Variants in FDX1 observed in about 807,000 individuals in gnomAD.
FDX1 encodes the protein adrenodoxin, mitochondrial.
A neutral mutation model predicts 14.9 loss-of-function variants in FDX1; 9 were observed. That is an observed-to-expected ratio of 0.60 (90% CI 0.36 to 1.05). The LOEUF is 1.05. FDX1 is among the 50% of genes least tolerant of loss of function. The probability of loss-of-function intolerance (pLI) is 0.01; values close to 1 mark genes in which losing one functional copy is unlikely to be tolerated. For synonymous variants in FDX1, 92 were observed against 99.4 expected (o/e 0.93, Z 0.44); for missense variants, 204 against 237.2 (o/e 0.86, Z 0.92).
At chr11:110,436,056 A>T in intron 2 of FDX1, 98 bp downstream of exon 2, 1 of 1,007,070 alleles carries the variant, frequency 9.9e-7, no homozygotes. Context: ...AACCTATAGC[A>T]TGCTATGTAA....
intron 2 of FDX1, among the ~76,000 whole-genome samples, chr11:110,438,742 C>T (rs576606394): frequency 1.0e-3 from 153 of 152,288 alleles, no homozygotes; most frequent in African/African-American, 3.3e-3. Context: ...GCTGGGATTA[C>T]AGGCGTGAGC....
At chr11:110,434,735 T>TG (rs1373976320) in intron 1 of FDX1, among the ~76,000 whole-genome samples, 7 of 138,834 alleles carry the variant, frequency 5.0e-5, no homozygotes, top group Non-Finnish European at 1.1e-4. Flanking sequence ...GTTTTTTTTT[T>TG]TTTTTTTTTT....
intron 2 of FDX1, among the ~76,000 whole-genome samples, chr11:110,452,564 A>G (rs985488835): frequency 1.3e-5 from 2 of 152,108 alleles, no homozygotes; most frequent in Non-Finnish European, 2.9e-5. Context: ...GGCACAAGAG[A>G]CTAATGGTGA....
chr11:110,435,771 C>A, intron 1 of FDX1, 63 bp from the exon 2 acceptor site: 2 of 1,355,590 alleles, frequency 1.5e-6, no homozygotes, highest in Non-Finnish European at 2.0e-6. Flanking sequence ...GGCTTTTAAA[C>A]CAATTATTTT....
chr11:110,460,774 T>G (rs1285248835), intron 3 of FDX1, among the ~76,000 whole-genome samples: 1 of 152,192 alleles, frequency 6.6e-6, no homozygotes, highest in Non-Finnish European at 1.5e-5. Context: ...AAACTACCAT[T>G]TGGTGAGGTT....
chr11:110,459,105 T>C (rs1035059040), intron 3 of FDX1, among the ~76,000 whole-genome samples: 7 of 152,184 alleles, frequency 4.6e-5, no homozygotes, highest in Non-Finnish European at 1.0e-4. Context: ...TAATAGTTGA[T>C]GGAAAGGGAG....
upstream of FDX1, chr11:110,429,835 T>G: frequency 3.6e-6 from 1 of 281,184 alleles, no homozygotes; most frequent in Non-Finnish European, 6.6e-6. Context: ...CCTGGAGGGT[T>G]GGTAAAGGCC....
intron 1 of FDX1, 126 bp downstream of exon 1, chr11:110,430,431 G>C (rs1018749260): frequency 1.4e-5 from 8 of 569,350 alleles, no homozygotes. Flanking sequence ...CCGGAGGCCT[G>C]CCTCTCGCCC....
At chr11:110,459,184 A>G (rs1946541629) in intron 3 of FDX1, among the ~76,000 whole-genome samples, 1 of 151,344 alleles carries the variant, frequency 6.6e-6, no homozygotes, top group Non-Finnish European at 1.5e-5. Flanking sequence ...TTGCATGGGT[A>G]ATCTACACAG....
At chr11:110,452,170 G>T (rs1438476338) in intron 2 of FDX1, among the ~76,000 whole-genome samples, 1 of 152,016 alleles carries the variant, frequency 6.6e-6, no homozygotes, top group East Asian at 1.9e-4. Context: ...GGGTAGGTAG[G>T]CAGAGAATTC....
At chr11:110,459,515 C>T (rs911536968) in intron 3 of FDX1, among the ~76,000 whole-genome samples, 3 of 152,182 alleles carry the variant, frequency 2.0e-5, no homozygotes, top group African/African-American at 2.4e-5. Context: ...GGGTAACACC[C>T]CTGATTTAAA....
At chr11:110,438,885 C>T (rs898860783) in intron 2 of FDX1, among the ~76,000 whole-genome samples, 1 of 151,896 alleles carries the variant, frequency 6.6e-6, no homozygotes, top group African/African-American at 2.4e-5. Flanking sequence ...TTCTCTCATT[C>T]TGTAGGGTGT....
Position 110,430,256 on chromosome 11 carries a change from A to C in FDX1, c.136A>C (p.Ser46Arg). 1 of 1,204,598 alleles carries C rather than the reference A, an allele frequency of 8.3e-7. No individual in the cohort carries two copies. 74.6% of individuals were successfully genotyped at this position (1,204,598 alleles called of 1,614,324 possible). Residue 46 changes from serine to arginine, a missense_variant, in exon 1 of 4, where the codon AGC becomes CGC. Ser to Arg is a moderately radical substitution (Grantham distance 110). Transcript: ENST00000260270. The stretch of plus-strand genomic sequence containing the variant: ...GCTGAGGAACCGGGGGCCGGGCGGG[A>C]GCGCGGAGGCGAGCCGGTCGCTGAG... ...GLLRNRGPGG[S>R]AEASRSLSVS... is the part of the protein sequence containing the mutation.
chr11:110,456,825 A>G (rs917501064), intron 2 of FDX1, 93 bp from the exon 3 acceptor site: 2 of 1,387,226 alleles, frequency 1.4e-6, no homozygotes, highest in Admixed American at 2.1e-5. Context: ...ATGTATTCTA[A>G]TGCTGATTCT....
chr11:110,461,585 A>G (rs1946557195), intron 3 of FDX1, among the ~76,000 whole-genome samples: 1 of 150,952 alleles, frequency 6.6e-6, no homozygotes, highest in Non-Finnish European at 1.5e-5. Flanking sequence ...AGTCATTCTT[A>G]AAATGACAAA....
At chr11:110,456,633 A>G (rs1312007704) in intron 2 of FDX1, among the ~76,000 whole-genome samples, 1 of 144,210 alleles carries the variant, frequency 6.9e-6, no homozygotes, top group Non-Finnish European at 1.5e-5. Context: ...CAGCTTCCCT[A>G]GTAGCTGGGA....
chr11:110,439,672 T>C (rs1302011176), intron 2 of FDX1, among the ~76,000 whole-genome samples: 1 of 152,238 alleles, frequency 6.6e-6, no homozygotes, highest in African/African-American at 2.4e-5. Context: ...GTGTCGAAGC[T>C]CTTTAATCAG....
At chr11:110,459,914 C>T (rs147212552) in intron 3 of FDX1, among the ~76,000 whole-genome samples, 49 of 152,320 alleles carry the variant, frequency 3.2e-4, no homozygotes, top group Non-Finnish European at 5.4e-4. Context: ...TCTGTGTTCC[C>T]ATAACAGATT....
chr11:110,444,949 G>A (rs1488701071), intron 2 of FDX1, among the ~76,000 whole-genome samples: 3 of 151,222 alleles, frequency 2.0e-5, no homozygotes, highest in Admixed American at 2.0e-4. Flanking sequence ...CCTGGGCTAA[G>A]CCCCAATTTT....
Sources: gnomAD v4.1 joint callset for allele counts (sites outside exome capture counted in the v4.1 genomes callset) on GRCh38, gnomAD v4.1.1 for gene constraint, MANE v1.5 for transcripts, NCBI Gene and HGNC (gene_info 2026-07-23, HGNC 2026-07-21) for gene names.